KHDC4: variants seen among roughly 807,000 people sequenced by gnomAD.
The protein encoded by KHDC4 is KH domain containing 4, pre-mRNA splicing factor, also known as KH homology domain-containing protein 4.
A neutral mutation model predicts 74.5 loss-of-function variants in KHDC4; 19 were observed. The ratio of observed to expected loss-of-function variants is 0.26; its 90% CI spans 0.18 to 0.37. The LOEUF (loss-of-function observed/expected upper bound fraction) is 0.37. Ranked by LOEUF, KHDC4 falls within the 10% of genes least tolerant of loss-of-function variation. KHDC4 has a pLI of 1.00. For missense variants in KHDC4, 632 were observed against 754.1 expected (o/e 0.84, Z 1.90); for synonymous variants, 253 against 266.1 (o/e 0.95, Z 0.48).
chr1:155,921,093 T>A, intron 10 of KHDC4: 1 of 418,154 alleles, frequency 2.4e-6, no homozygotes, highest in East Asian at 4.4e-5. Context: ...CCTTAAAGCC[T>A]AAAATATTTG....
rs55769714 is a variant in KHDC4 at position 155,931,290 on chromosome 1, C to CAAAA, written c.256-1454_256-1451dup. On this transcript the variant is annotated intron_variant, in intron 2 of 13. Transcript: ENST00000368321. Reference sequence around the variant, plus strand: ...GGGCAACAAAGCAAGACTCTATCACCAAAAAAAAAAAAAAAAAAGACAGAA... The same window carrying CAAAA: ...GGGCAACAAAGCAAGACTCTATCACCAAAAAAAAAAAAAAAAAAAAAAGACAGAA... Among the ~76,000 whole-genome samples the CAAAA allele has an allele frequency of 3.9e-3, 424 of 109,622 alleles. 3 individuals carry two copies. The highest frequency in any genetic ancestry group is 6.0e-3 in the Non-Finnish European group (337 of 56,518). The allele number at this position is 109,622 out of a possible 152,430, so 71.9% of individuals were successfully genotyped here. A position where few individuals can be genotyped will look rare whatever the true frequency, so the allele number is the denominator to read the frequency against.
rs746963705 is a variant in KHDC4 at position 155,919,961 on chromosome 1, A to G, written c.1266+1414T>C. 6 of 518,124 alleles carry G rather than the reference A, an allele frequency of 1.2e-5. No homozygotes were observed. In the Admixed American group the frequency reaches 1.2e-4, roughly 10 times the overall value. The allele number at this position is 518,124 out of a possible 1,614,324, so 32.1% of individuals were successfully genotyped here. A position where few individuals can be genotyped will look rare whatever the true frequency, so the allele number is the denominator to read the frequency against. ...AGCCCACAGGTAAGGGGACTGGGCA[A>G]TGGTTCGAGGCTGCCATTTGCTATG... On this transcript the variant is annotated intron_variant, in intron 10 of 13. Coordinates refer to ENST00000368321, the MANE Select transcript of KHDC4 (RefSeq NM_014949.4).
At chr1:155,924,459 TC>T (rs1377189372) in intron 7 of KHDC4, among the ~76,000 whole-genome samples, 1 of 152,002 alleles carries the variant, frequency 6.6e-6, no homozygotes, top group East Asian at 1.9e-4. Context: ...TTCATCCGCC[TC>T]GGCCCTGAAA....
In KHDC4 at chr1:155,913,997, G is replaced by C; in HGVS notation, c.*124C>G. ...AACCCCTTTAAGAAAGGGGGGCACT[G>C]AATCTCTAACTTCTGCAAAGGTCCA... On this transcript the variant is annotated 3_prime_UTR_variant, in exon 14 of 14. Transcript: ENST00000368321. The C allele has an allele frequency of 1.3e-6, 1 of 767,446 alleles. No homozygotes were observed. The highest frequency in any genetic ancestry group is 2.2e-6 in the Non-Finnish European group (1 of 464,238). 47.5% of individuals were successfully genotyped at this position (767,446 alleles called of 1,614,324 possible).
chr1:155,918,084 C>T (rs1673773226), intron 10 of KHDC4, among the ~76,000 whole-genome samples: 2 of 152,134 alleles, frequency 1.3e-5, no homozygotes. Flanking sequence ...CACTAAGCTA[C>T]TATGTCAAGA....
At chr1:155,922,065 C>CTT in intron 8 of KHDC4, 147 bp from the exon 9 acceptor site, 1 of 363,392 alleles carries the variant, frequency 2.8e-6, no homozygotes, top group Non-Finnish European at 4.6e-6. Flanking sequence ...GTTTAACCCA[C>CTT]ATTTTTTTTT....
intron 6 of KHDC4, 70 bp downstream of exon 6, chr1:155,926,606 T>G: frequency 2.6e-6 from 4 of 1,540,942 alleles, no homozygotes; most frequent in Non-Finnish European, 3.6e-6. Flanking sequence ...AATGAGCCAC[T>G]GTGCCTGGCC....
At chr1:155,927,177 GGAT>G (rs1480599863) in intron 4 of KHDC4, 21 bp from the exon 5 acceptor site, 9 of 1,609,124 alleles carry the variant, frequency 5.6e-6, no homozygotes, top group African/African-American at 1.3e-5. Context: ...AAACAAAAAA[GGAT>G]GATCTCAATG....
chr1:155,932,315 T>G (rs1211847998), intron 2 of KHDC4: 1 of 152,152 alleles, frequency 6.6e-6, no homozygotes, highest in Non-Finnish European at 1.5e-5. Context: ...CCCCTTAATT[T>G]TAATTTAAAT....
rs773230849 is a variant in KHDC4, at chr1:155,933,656, G to A, written c.232C>T (p.Pro78Ser). Reference sequence around the variant, plus strand: ...ACCTTCTCAGAAGCATTCTGAGTTGGTTTCAGCTTCCCTTTTGCCATGAGC... The same window carrying A: ...ACCTTCTCAGAAGCATTCTGAGTTGATTTCAGCTTCCCTTTTGCCATGAGC... Reference protein sequence around the residue: ...AMLMAKGKLKPTQNASEKLQA... With the variant: ...AMLMAKGKLKSTQNASEKLQA... Residue 78 changes from proline to serine, a missense_variant, in exon 2 of 14, where the codon CCA becomes TCA. Pro to Ser is a moderately conservative substitution (Grantham distance 74). Around this residue, in one of 4 missense-constraint regions of KHDC4, gnomAD observed 233 missense variants for 342.6 expected, o/e 0.68. Transcript: ENST00000368321. 3.7e-6 allele frequency: 6 copies of A among 1,609,072 alleles called. No homozygotes were observed. The East Asian group carries it at 8.9e-5, about 24-fold the overall frequency.
chr1:155,927,854 ACACACACACACACAC>A (rs1674049943), intron 4 of KHDC4, among the ~76,000 whole-genome samples: 1 of 118,350 alleles, frequency 8.4e-6, no homozygotes, highest in South Asian at 2.6e-4. Flanking sequence ...ACACACACAC[ACACACACACACACAC>A]ACACAAAATT....
rs761786032 is a variant in KHDC4 at position 155,923,704 on chromosome 1, AG to A, written c.894-18del. 6 of 1,585,072 alleles carry A rather than the reference AG, an allele frequency of 3.8e-6. No homozygotes were observed. The African/African-American group carries it at 8.1e-5, about 21-fold the overall frequency. ...TTGGGGTGACTGCAAAGAAATAACC[AG>A]GAATTCAAAGGAGAGAAAAATAAAT... On this transcript the variant is annotated intron_variant, in intron 7 of 13. Coordinates refer to ENST00000368321, the MANE Select transcript of KHDC4 (RefSeq NM_014949.4).
At chr1:155,924,788 A>G (rs985466091) in intron 7 of KHDC4, among the ~76,000 whole-genome samples, 7 of 150,984 alleles carry the variant, frequency 4.6e-5, no homozygotes, top group Non-Finnish European at 8.9e-5. Context: ...TGGCCAGGGT[A>G]GTCTCGAACT....
chr1:155,921,962 T>C, intron 8 of KHDC4, 44 bp from the exon 9 acceptor site: 1 of 1,300,972 alleles, frequency 7.7e-7, no homozygotes, highest in Non-Finnish European at 1.1e-6. Context: ...CAGCCGAAGC[T>C]GTGCATTTAC....
chr1:155,923,590 T>C, intron 8 of KHDC4, 37 bp downstream of exon 8: 1 of 1,500,964 alleles, frequency 6.7e-7, no homozygotes, highest in Non-Finnish European at 9.3e-7. Flanking sequence ...AAATGGCAAT[T>C]GCTCTTCTGA....
chr1:155,914,346 A>C lies in KHDC4; in HGVS notation c.1646-26T>G, dbSNP rs768911822. The C allele has an allele frequency of 1.2e-5, 18 of 1,523,268 alleles. No individual in the cohort carries two copies. Among genetic ancestry groups the C allele is most frequent in the Non-Finnish European group, 1.4e-5 (16 of 1,109,202 alleles). 94.4% of individuals were successfully genotyped at this position (1,523,268 alleles called of 1,614,324 possible). A position where few individuals can be genotyped will look rare whatever the true frequency, so the allele number is the denominator to read the frequency against. On this transcript the variant is annotated intron_variant, in intron 13 of 13. Transcript: ENST00000368321. ...CTAGAATAGAGAAAAAACAACCCCAACCCCATCCCCGCCAAGGGAAAAAAA... is the reference window on the plus strand; with the variant it reads ...CTAGAATAGAGAAAAAACAACCCCACCCCCATCCCCGCCAAGGGAAAAAAA...
rs1673679299 is a variant in KHDC4, at chr1:155,913,984, A to G, written c.*137T>C. 1 of 681,488 alleles carries G rather than the reference A, an allele frequency of 1.5e-6. No homozygotes were observed. The allele number at this position is 681,488 out of a possible 1,614,324, so 42.2% of individuals were successfully genotyped here. ...GTGGTTGTTAAGGAACCCCTTTAAG[A>G]AAGGGGGGCACTGAATCTCTAACTT... On this transcript the variant is annotated 3_prime_UTR_variant, in exon 14 of 14. Coordinates refer to ENST00000368321, the MANE Select transcript of KHDC4 (RefSeq NM_014949.4).
chr1:155,931,064 G>A (rs1299181185), intron 2 of KHDC4, among the ~76,000 whole-genome samples: 1 of 151,942 alleles, frequency 6.6e-6, no homozygotes. Flanking sequence ...GCTCACATCT[G>A]TAATCCTAGC....
intron 4 of KHDC4, among the ~76,000 whole-genome samples, chr1:155,928,857 T>C (rs1362806381): frequency 1.4e-5 from 2 of 146,562 alleles, no homozygotes; most frequent in Non-Finnish European, 1.5e-5. Flanking sequence ...GAGGCTGAGG[T>C]AGGAGAATGG....
Sources: allele counts gnomAD v4.1 joint callset (sites outside exome capture counted in the v4.1 genomes callset), GRCh38; gene constraint gnomAD v4.1.1; regional missense constraint gnomAD v4.1.1; transcripts MANE v1.5; gene names NCBI Gene and HGNC (gene_info 2026-07-23, HGNC 2026-07-21).